The following DLGAP2 variants were observed in gnomAD, a reference collection of about 807,000 sequenced individuals.
DLGAP2 encodes disks large-associated protein 2.
A neutral mutation model predicts 100.3 loss-of-function variants in DLGAP2; 26 were observed. That is an observed-to-expected ratio of 0.26 (90% CI 0.19 to 0.36). The LOEUF (loss-of-function observed/expected upper bound fraction) is 0.36, where lower values mean the gene tolerates loss of function less well. Ranked by LOEUF, DLGAP2 falls within the 10% of genes least tolerant of loss-of-function variation. The pLI, the probability that DLGAP2 is intolerant of heterozygous loss-of-function variation, is 1.00. For missense variants in DLGAP2, 1,858 were observed against 1,453.2 expected (o/e 1.28, Z -4.53); for synonymous variants, 886 against 630.1 (o/e 1.41, Z -6.08).
intron 1 of DLGAP2, among the ~76,000 whole-genome samples, chr8:905,821 C>T (rs1034491175): frequency 2.0e-5 from 3 of 147,694 alleles, no homozygotes; most frequent in African/African-American, 2.5e-5. Flanking sequence ...CCCCCAAGCA[C>T]GTGTCCTACT....
At chr8:970,811 C>A (rs1170463126) in intron 2 of DLGAP2, among the ~76,000 whole-genome samples, 1 of 152,152 alleles carries the variant, frequency 6.6e-6, no homozygotes, top group Admixed American at 6.5e-5. Context: ...TTGATTTTAG[C>A]CTTAATAACA....
intron 2 of DLGAP2, among the ~76,000 whole-genome samples, chr8:1,200,931 A>C (rs1307402076): frequency 6.6e-6 from 1 of 152,188 alleles, no homozygotes; most frequent in Admixed American, 6.5e-5. Flanking sequence ...TGCGCGATTC[A>C]GCTCCAGGAG....
chr8:1,513,001 A>G (rs4876081), intron 4 of DLGAP2, among the ~76,000 whole-genome samples: 87,302 of 146,400 alleles, frequency 0.6, 26,539 homozygotes, highest in South Asian at 0.79. Flanking sequence ...TGGGATAAGC[A>G]TCTGCCTTTC....
At chr8:1,061,206 G>A (rs932314376) in intron 2 of DLGAP2, among the ~76,000 whole-genome samples, 1 of 152,092 alleles carries the variant, frequency 6.6e-6, no homozygotes, top group African/African-American at 2.4e-5. Flanking sequence ...TGGAATCGTC[G>A]CCCATCCCTC....
rs986870606 is a variant in DLGAP2 at position 1,270,989 on chromosome 8, A to G, written c.106+12106A>G. 3.9e-5 allele frequency among the ~76,000 whole-genome samples: 6 copies of G among 152,304 alleles called. No individual in the cohort carries two copies. In the South Asian group the frequency reaches 1.0e-3, roughly 26 times the overall value. Reference sequence around the variant, plus strand: ...GACGTGTTGCAAAAAGGTAGATGGGAAGTAATTTTTTAAATTTCAGAATTG... The same window carrying G: ...GACGTGTTGCAAAAAGGTAGATGGGGAGTAATTTTTTAAATTTCAGAATTG... On this transcript the variant is annotated intron_variant, in intron 3 of 14. Transcript: ENST00000637795.
chr8:1,677,450 T>C (rs1207556763), intron 11 of DLGAP2, among the ~76,000 whole-genome samples: 1 of 152,112 alleles, frequency 6.6e-6, no homozygotes, highest in Non-Finnish European at 1.5e-5. Context: ...TGCACAGCTG[T>C]GTGCTTCTAT....
intron 2 of DLGAP2, among the ~76,000 whole-genome samples, chr8:908,509 G>A (rs1198463690): frequency 2.6e-5 from 4 of 152,156 alleles, no homozygotes; most frequent in African/African-American, 9.7e-5. Flanking sequence ...GGATGGGCGT[G>A]TGTGGCTGGT....
At chr8:1,654,045 A>G (rs1252524727) in intron 8 of DLGAP2, among the ~76,000 whole-genome samples, 2 of 152,232 alleles carry the variant, frequency 1.3e-5, no homozygotes, top group Non-Finnish European at 2.9e-5. Context: ...TGCCATGTGC[A>G]TGGTAAAAAT....
At chr8:1,296,129 AGGGTGGAGTTG>A (rs1800166712) in intron 3 of DLGAP2, 1 of 152,046 alleles carries the variant, frequency 6.6e-6, no homozygotes, top group Admixed American at 6.5e-5. Context: ...GGTGCTTTGC[AGGGTGGAGTTG>A]GGGTGGATGA....
intron 4 of DLGAP2, among the ~76,000 whole-genome samples, chr8:1,536,057 A>AT (rs1801144838): frequency 2.0e-5 from 3 of 152,168 alleles, no homozygotes; most frequent in Admixed American, 1.3e-4. Context: ...CAGTTTCTCC[A>AT]TTAAAGGAAT....
rs1352575141 is a variant in DLGAP2 at position 737,637 on chromosome 8, G to A, written c.-171G>A. 2 of 346,576 alleles carry A rather than the reference G, an allele frequency of 5.8e-6. No individual in the cohort carries two copies. The highest frequency in any genetic ancestry group is 1.4e-4 in the South Asian group (1 of 6,962). 21.5% of individuals were successfully genotyped at this position (346,576 alleles called of 1,614,324 possible). The stretch of plus-strand genomic sequence containing the variant: ...CAGGCGCCGGCCGTGAAGACCGACC[G>A]TGCGCCGGGCTCGAGCGCGGTCTGA... On this transcript the variant is annotated 5_prime_UTR_variant, in exon 1 of 15. It adds an upstream start codon to the 5' untranslated region. Transcript: ENST00000637795.
chr8:817,537 C>G (rs1416243895), intron 1 of DLGAP2, among the ~76,000 whole-genome samples: 1 of 152,102 alleles, frequency 6.6e-6, no homozygotes, highest in East Asian at 1.9e-4. Flanking sequence ...GGTAAATAAC[C>G]TTGTTTTATC....
intron 2 of DLGAP2, among the ~76,000 whole-genome samples, chr8:957,901 A>G (rs1484383844): frequency 6.6e-6 from 1 of 152,130 alleles, no homozygotes; most frequent in East Asian, 1.9e-4. Flanking sequence ...AAAACATAGG[A>G]TTTCCCTCAC....
intron 2 of DLGAP2, among the ~76,000 whole-genome samples, chr8:1,078,877 G>A (rs1803709057): frequency 6.6e-6 from 1 of 152,184 alleles, no homozygotes; most frequent in African/African-American, 2.4e-5. Context: ...TTGTGTGCAG[G>A]TTTTTGTATG....
chr8:1,386,834 A>G (rs1351951120), intron 3 of DLGAP2, among the ~76,000 whole-genome samples: 1 of 152,060 alleles, frequency 6.6e-6, no homozygotes, highest in Non-Finnish European at 1.5e-5. Flanking sequence ...ATATTGATGG[A>G]AAAAAAATGC....
At chr8:895,172 T>C (rs1798121035) in intron 1 of DLGAP2, among the ~76,000 whole-genome samples, 1 of 151,960 alleles carries the variant, frequency 6.6e-6, no homozygotes, top group African/African-American at 2.4e-5. Flanking sequence ...ATTTAAAATG[T>C]TCTCACCACA....
At chr8:984,154 A>G (rs754069858) in intron 2 of DLGAP2, among the ~76,000 whole-genome samples, 13 of 152,154 alleles carry the variant, frequency 8.5e-5, no homozygotes, top group East Asian at 1.9e-4. Flanking sequence ...TAAAAATCAT[A>G]TGGAAAGAAT....
intron 3 of DLGAP2, among the ~76,000 whole-genome samples, chr8:1,270,754 A>T (rs868488495): frequency 7.6e-6 from 1 of 131,858 alleles, no homozygotes; most frequent in Non-Finnish European, 1.6e-5. Flanking sequence ...CTGTGTGTCT[A>T]CCTCTCTCTG....
chr8:1,198,519 C>T (rs1014868962), intron 2 of DLGAP2, among the ~76,000 whole-genome samples: 5 of 151,978 alleles, frequency 3.3e-5, no homozygotes, highest in African/African-American at 9.7e-5. Context: ...CCCCAGAGCT[C>T]GGGGGAAGGG....
Sources: allele counts gnomAD v4.1 joint callset (sites outside exome capture counted in the v4.1 genomes callset), GRCh38; gene constraint gnomAD v4.1.1; transcripts MANE v1.5; gene names NCBI Gene and HGNC (gene_info 2026-07-23, HGNC 2026-07-21).